The following WWOX variants were observed in gnomAD, a reference collection of about 807,000 sequenced individuals.
WWOX encodes the protein WW domain-containing oxidoreductase.
Under a neutral mutation model 46.2 loss-of-function variants are expected in WWOX, and 69 were observed. That is an observed-to-expected ratio of 1.49 (90% confidence interval 1.23 to 1.82). The LOEUF (loss-of-function observed/expected upper bound fraction) is 1.82, where lower values mean the gene tolerates loss of function less well. Ranked by LOEUF, WWOX falls within the 40% of genes most tolerant of loss-of-function variation. The pLI, the probability that WWOX is intolerant of heterozygous loss-of-function variation, is 0.00. For synonymous variants in WWOX, 359 were observed against 202.6 expected (o/e 1.77, Z -6.56); for missense variants, 919 against 542.6 (o/e 1.69, Z -6.89).
chr16:78,595,763 C>T (rs568142950), intron 8 of WWOX, among the ~76,000 whole-genome samples: 17 of 152,332 alleles, frequency 1.1e-4, no homozygotes, highest in African/African-American at 3.8e-4. Context: ...TTAGCATAGC[C>T]ATCATCTCAA....
At chr16:78,114,418 C>T (rs1035721673) in intron 3 of WWOX, among the ~76,000 whole-genome samples, 2 of 152,134 alleles carry the variant, frequency 1.3e-5, no homozygotes, top group East Asian at 1.9e-4. Context: ...ATTTTAATAC[C>T]ATTTCTACAA....
chr16:79,011,660 T>C (rs2047312641), intron 8 of WWOX, among the ~76,000 whole-genome samples: 1 of 151,406 alleles, frequency 6.6e-6, no homozygotes, highest in African/African-American at 2.4e-5. Context: ...AGCCAGCTAT[T>C]TTTTTTGCAT....
chr16:78,769,342 C>G (rs551177822), intron 8 of WWOX, among the ~76,000 whole-genome samples: 1 of 152,256 alleles, frequency 6.6e-6, no homozygotes, highest in East Asian at 1.9e-4. Flanking sequence ...CTCTTTTTCA[C>G]AATGTCTCTT....
At chr16:79,023,792 CA>C (rs71674970) in intron 8 of WWOX, among the ~76,000 whole-genome samples, 99 of 141,182 alleles carry the variant, frequency 7.0e-4, no homozygotes, top group Admixed American at 1.3e-3. Context: ...ACTAAAAATA[CA>C]AAAAAAAAAA....
At chr16:78,711,164 C>T (rs1254349483) in intron 8 of WWOX, among the ~76,000 whole-genome samples, 1 of 152,160 alleles carries the variant, frequency 6.6e-6, no homozygotes, top group African/African-American at 2.4e-5. Context: ...TCTGTTCTTG[C>T]TAGTCTGGCC....
chr16:78,671,174 G>C (rs1171055631), intron 8 of WWOX, among the ~76,000 whole-genome samples: 1 of 152,200 alleles, frequency 6.6e-6, no homozygotes, highest in African/African-American at 2.4e-5. Flanking sequence ...TGTAATCCCA[G>C]CACTTTGGGA....
chr16:79,129,831 G>C (rs1040902262), intron 8 of WWOX, among the ~76,000 whole-genome samples: 1 of 152,176 alleles, frequency 6.6e-6, no homozygotes, highest in African/African-American at 2.4e-5. Flanking sequence ...GAAGGAGGGT[G>C]ACAGCCTGGG....
intron 5 of WWOX, among the ~76,000 whole-genome samples, chr16:78,332,601 A>G (rs1331242590): frequency 2.0e-5 from 3 of 152,202 alleles, no homozygotes; most frequent in Admixed American, 2.0e-4. Context: ...TTAAGCGGGC[A>G]GGTAAACTGA....
intron 8 of WWOX, among the ~76,000 whole-genome samples, chr16:78,801,057 CTTTT>C (rs879409458): frequency 1.4e-4 from 20 of 145,840 alleles, no homozygotes; most frequent in African/African-American, 5.0e-4. Flanking sequence ...CTCTCTACCT[CTTTT>C]TTTTTTTTTA....
intron 8 of WWOX, among the ~76,000 whole-genome samples, chr16:79,167,317 A>T (rs1227918331): frequency 6.6e-6 from 1 of 152,222 alleles, no homozygotes; most frequent in Non-Finnish European, 1.5e-5. Context: ...CAATTCCAAA[A>T]TGCTAATAAC....
intron 8 of WWOX, among the ~76,000 whole-genome samples, chr16:79,057,801 C>G (rs2048290481): frequency 6.6e-6 from 1 of 152,168 alleles, no homozygotes; most frequent in South Asian, 2.1e-4. Context: ...TGATCCATCT[C>G]AGCTCTGCCA....
chr16:78,921,084 C>A (rs558109157), intron 8 of WWOX, among the ~76,000 whole-genome samples: 14 of 152,142 alleles, frequency 9.2e-5, no homozygotes, highest in African/African-American at 2.7e-4. Context: ...CTACATTACA[C>A]CTTGTAGCAA....
intron 8 of WWOX, among the ~76,000 whole-genome samples, chr16:78,449,338 G>C (rs2083636138): frequency 6.6e-6 from 1 of 152,156 alleles, no homozygotes. Context: ...TATTCTTTTT[G>C]TTAGAAGGAA....
intron 5 of WWOX, among the ~76,000 whole-genome samples, chr16:78,175,092 C>G (rs1245524454): frequency 6.6e-6 from 1 of 152,000 alleles, no homozygotes; most frequent in East Asian, 1.9e-4. Flanking sequence ...GGGGCCCCTT[C>G]CATCCGTAGA....
chr16:78,940,954 A>G (rs1035826562), intron 8 of WWOX, among the ~76,000 whole-genome samples: 1 of 147,302 alleles, frequency 6.8e-6, no homozygotes, highest in East Asian at 2.1e-4. Flanking sequence ...CCCCCACCCC[A>G]TCCCACTCAT....
chr16:78,598,258 G>A (rs530845468), intron 8 of WWOX, among the ~76,000 whole-genome samples: 1 of 152,284 alleles, frequency 6.6e-6, no homozygotes, highest in South Asian at 2.1e-4. Context: ...TCTAGAACCA[G>A]TTAAAACCAC....
intron 8 of WWOX, among the ~76,000 whole-genome samples, chr16:79,140,333 C>T (rs995228348): frequency 2.0e-5 from 3 of 152,154 alleles, no homozygotes; most frequent in Non-Finnish European, 4.4e-5. Context: ...TGACATCTCC[C>T]TTCATTTGTA....
At chr16:78,954,386 G>A (rs916852305) in intron 8 of WWOX, among the ~76,000 whole-genome samples, 3 of 152,258 alleles carry the variant, frequency 2.0e-5, no homozygotes, top group Non-Finnish European at 4.4e-5. Context: ...TTGGGTGGAT[G>A]AACAGATGAA....
intron 8 of WWOX, among the ~76,000 whole-genome samples, chr16:78,665,100 G>C (rs140481576): frequency 6.6e-6 from 1 of 152,158 alleles, no homozygotes; most frequent in African/African-American, 2.4e-5. Flanking sequence ...AGGTAAATGC[G>C]ATGGGGACAA....
Sources: gnomAD v4.1 joint callset for allele counts (sites outside exome capture counted in the v4.1 genomes callset) on GRCh38, gnomAD v4.1.1 for gene constraint, MANE v1.5 for transcripts, NCBI Gene and HGNC (gene_info 2026-07-23, HGNC 2026-07-21) for gene names.